MRPL22: variants seen among roughly 807,000 people sequenced by gnomAD.
The protein encoded by MRPL22 is large ribosomal subunit protein uL22m.
A neutral mutation model predicts 32.4 loss-of-function variants in MRPL22; 27 were observed. The ratio of observed to expected loss-of-function variants is 0.83; its 90% CI spans 0.61 to 1.15. MRPL22 has a LOEUF of 1.15. Ranked by LOEUF, MRPL22 falls within the 50% of genes most tolerant of loss-of-function variation. MRPL22 has a pLI of 0.00. For synonymous variants in MRPL22, 86 were observed against 87.3 expected (o/e 0.99, Z 0.08); for missense variants, 239 against 260.2 (o/e 0.92, Z 0.56).
intron 3 of MRPL22, among the ~76,000 whole-genome samples, chr5:154,952,570 T>C (rs2113537322): frequency 6.6e-6 from 1 of 152,322 alleles, no homozygotes; most frequent in East Asian, 1.9e-4. Context: ...GGGGACAAAT[T>C]ATGACATCTG....
At chr5:154,947,275 T>C (rs1164890182) in intron 2 of MRPL22, among the ~76,000 whole-genome samples, 1 of 152,182 alleles carries the variant, frequency 6.6e-6, no homozygotes, top group Non-Finnish European at 1.5e-5. Flanking sequence ...TAGACCAAGG[T>C]CTGCTCGACT....
chr5:154,954,370 T>C (rs563146330), intron 3 of MRPL22, among the ~76,000 whole-genome samples: 12 of 152,244 alleles, frequency 7.9e-5, no homozygotes, highest in Non-Finnish European at 1.2e-4. Flanking sequence ...TTAAAAGTTA[T>C]TGATTTAGAC....
chr5:154,943,583 C>T (rs1764447941), intron 2 of MRPL22, among the ~76,000 whole-genome samples: 1 of 151,456 alleles, frequency 6.6e-6, no homozygotes, highest in South Asian at 2.1e-4. Context: ...TATATATACA[C>T]ACATATATGC....
chr5:154,965,665 GC>G (rs143230030), intron 6 of MRPL22, among the ~76,000 whole-genome samples: 1 of 152,174 alleles, frequency 6.6e-6, no homozygotes, highest in East Asian at 1.9e-4. Flanking sequence ...GTGGTGATCC[GC>G]CCGCCTTGGC....
At chr5:154,942,360 T>C (rs1263628093) in intron 2 of MRPL22, among the ~76,000 whole-genome samples, 1 of 152,222 alleles carries the variant, frequency 6.6e-6, no homozygotes, top group Non-Finnish European at 1.5e-5. Context: ...TTTTTATTAT[T>C]ATAAATTATT....
intron 2 of MRPL22, among the ~76,000 whole-genome samples, chr5:154,945,889 A>G (rs1328329262): frequency 1.3e-5 from 2 of 152,234 alleles, no homozygotes; most frequent in East Asian, 1.9e-4. Flanking sequence ...AGGAGAGGGC[A>G]CATAGGAACT....
chr5:154,967,084 C>T lies in MRPL22; in HGVS notation c.*187C>T. ...TTGAGCCTCTGGGCATATTTGTATG[C>T]ATTTGCGACTTGGAAGGGGAAATCA... is the stretch of plus-strand genomic sequence containing the variant. On this transcript the variant is annotated 3_prime_UTR_variant, in exon 7 of 7. Transcript: ENST00000523037. This position sits in a 1 kb window ranked among gnomAD's most constrained non-coding sequence, Gnocchi z 4.7. The T allele has an allele frequency of 4.5e-6, 3 of 665,958 alleles. No individual in the cohort carries two copies. The highest frequency in any genetic ancestry group is 7.4e-6 in the Non-Finnish European group (3 of 406,708). The allele number at this position is 665,958 out of a possible 1,614,324, so 41.3% of individuals were successfully genotyped here. A position where few individuals can be genotyped will look rare whatever the true frequency, so the allele number is the denominator to read the frequency against.
chr5:154,942,572 G>A (rs1181549874), intron 2 of MRPL22, among the ~76,000 whole-genome samples: 1 of 152,090 alleles, frequency 6.6e-6, no homozygotes, highest in Non-Finnish European at 1.5e-5. Flanking sequence ...TTGCTTCTTG[G>A]CTTTTCCTAC....
At position 154,968,741 on chromosome 5, in the gene MRPL22, C is replaced by T. The variant is rs1308090951; in HGVS notation, c.*1844C>T. On this transcript the variant is annotated 3_prime_UTR_variant, in exon 7 of 7. Coordinates refer to ENST00000523037, the MANE Select transcript of MRPL22 (RefSeq NM_014180.4). ...GGGTGTGACTAAAGCCAGGTGGTGC[C>T]ATGGACATCATAAATATAAATTATG... 2 of 152,146 alleles carry T rather than the reference C, an allele frequency of 1.3e-5. No homozygotes were observed. The highest frequency in any genetic ancestry group is 2.9e-5 in the Non-Finnish European group (2 of 68,036). 9.4% of individuals were successfully genotyped at this position (152,146 alleles called of 1,614,324 possible).
intron 3 of MRPL22, 25 bp from the exon 4 acceptor site, chr5:154,956,346 T>A: frequency 6.6e-7 from 1 of 1,522,944 alleles, no homozygotes; most frequent in African/African-American, 1.4e-5. Context: ...ATTTTCTTTC[T>A]GTCCTTTTTT....
chr5:154,941,366 T>C (rs752759884), intron 2 of MRPL22, 101 bp downstream of exon 2: 214 of 1,444,316 alleles, frequency 1.5e-4, no homozygotes, highest in Non-Finnish European at 1.5e-4. Context: ...TTTTAGGCTC[T>C]GGGGTTACTG....
At chr5:154,956,265 T>C (rs1470689720) in intron 3 of MRPL22, 106 bp from the exon 4 acceptor site, 40 of 708,564 alleles carry the variant, frequency 5.6e-5, no homozygotes, top group Non-Finnish European at 9.4e-5. Context: ...GGCAGCATTT[T>C]CTTTAGGCCT....
In MRPL22 at chr5:154,956,358, T is replaced by C. The variant is rs762193424; in HGVS notation, c.196-13T>C. 3 of 1,585,706 alleles carry C rather than the reference T, an allele frequency of 1.9e-6. No individual in the cohort carries two copies. Among genetic ancestry groups the C allele is most frequent in the African/African-American group, 1.3e-5 (1 of 74,350 alleles). On this transcript the variant is annotated splice_polypyrimidine_tract_variant and intron_variant, in intron 3 of 6. Coordinates refer to ENST00000523037, the MANE Select transcript of MRPL22 (RefSeq NM_014180.4). ...AACATTTTCTTTCTGTCCTTTTTTT[T>C]CCAATTTGTAAGGAAATCTACCACT...
At chr5:154,956,195 A>G (rs913170621) in intron 3 of MRPL22, 176 bp from the exon 4 acceptor site, 6 of 580,222 alleles carry the variant, frequency 1.0e-5, no homozygotes, top group African/African-American at 9.8e-5. Context: ...CTTTGGAAAA[A>G]TACAACTTTG....
intron 3 of MRPL22, among the ~76,000 whole-genome samples, chr5:154,951,660 C>T (rs770116834): frequency 3.9e-5 from 6 of 151,936 alleles, no homozygotes; most frequent in Non-Finnish European, 5.9e-5. Context: ...CCTGAGCCTC[C>T]GGAGTAGCTG....
At position 154,968,155 on chromosome 5, in the gene MRPL22, A is replaced by C. The variant is rs1174116835; in HGVS notation, c.*1258A>C. 6.6e-6 allele frequency: 1 copy of C among 152,232 alleles called. No individual in the cohort carries two copies. Among genetic ancestry groups the C allele is most frequent in the African/African-American group, 2.4e-5 (1 of 41,464 alleles). The allele number at this position is 152,232 out of a possible 1,614,324, so 9.4% of individuals were successfully genotyped here. ...AAATAACTATCACAAGTCACACAGC[A>C]TGTAAATATTGGGGCTATGATTGAA... On this transcript the variant is annotated 3_prime_UTR_variant, in exon 7 of 7. Coordinates refer to ENST00000523037, the MANE Select transcript of MRPL22 (RefSeq NM_014180.4).
chr5:154,956,446 A>T lies in MRPL22; in HGVS notation c.261+10A>T. 6.4e-7 allele frequency: 1 copy of T among 1,570,546 alleles called. No homozygotes were observed. Among genetic ancestry groups the T allele is most frequent in the Non-Finnish European group, 8.8e-7 (1 of 1,141,360 alleles). Reference sequence around the variant, plus strand: ...GTATTTGGCAAAATTGGTAAGCTGCAATGACTATTACCATATAATTAATAA... The same window carrying T: ...GTATTTGGCAAAATTGGTAAGCTGCTATGACTATTACCATATAATTAATAA... On this transcript the variant is annotated intron_variant, in intron 4 of 6. Transcript: ENST00000523037.
At chr5:154,944,253 C>T (rs1418252105) in intron 2 of MRPL22, among the ~76,000 whole-genome samples, 1 of 152,104 alleles carries the variant, frequency 6.6e-6, no homozygotes, top group Non-Finnish European at 1.5e-5. Flanking sequence ...CCACCACGCC[C>T]AGCCAAAAAA....
chr5:154,959,593 C>T (rs984475187), intron 5 of MRPL22, among the ~76,000 whole-genome samples: 1 of 152,196 alleles, frequency 6.6e-6, no homozygotes, highest in African/African-American at 2.4e-5. Flanking sequence ...GTCTGCCCAT[C>T]CCATCTTGGC....
Sources: allele counts gnomAD v4.1 joint callset (sites outside exome capture counted in the v4.1 genomes callset), GRCh38; gene constraint gnomAD v4.1.1; non-coding constraint Gnocchi (gnomAD v3.1); transcripts MANE v1.5; gene names NCBI Gene and HGNC (gene_info 2026-07-23, HGNC 2026-07-21).